Variants in LUZP2 observed in about 807,000 individuals in gnomAD.
The protein encoded by LUZP2 is leucine zipper protein 2.
Under a neutral mutation model 51.6 loss-of-function variants are expected in LUZP2, and 52 were observed. That is an observed-to-expected ratio of 1.01 (90% CI 0.81 to 1.27). LUZP2 has a LOEUF of 1.27. LUZP2 is among the 50% of genes most tolerant of loss of function. The pLI is 0.00. For missense variants in LUZP2, 436 were observed against 395.4 expected, an observed-to-expected ratio of 1.10 and a Z score of -0.87; for synonymous variants, 154 against 137.3, an observed-to-expected ratio of 1.12 and a Z score of -0.85.
chr11:24,827,876 C>T (rs550410877), intron 5 of LUZP2, among the ~76,000 whole-genome samples: 8 of 152,198 alleles, frequency 5.3e-5, no homozygotes, highest in African/African-American at 1.9e-4. Flanking sequence ...TCATAAGGCA[C>T]AACCAGAGAG....
intron 3 of LUZP2, among the ~76,000 whole-genome samples, chr11:24,735,846 A>T (rs1159946859): frequency 1.3e-5 from 2 of 151,970 alleles, no homozygotes; most frequent in East Asian, 3.9e-4. Flanking sequence ...AGATTGGGCA[A>T]ATCTCAGTTG....
intron 3 of LUZP2, among the ~76,000 whole-genome samples, chr11:24,734,313 A>AT (rs1006365393): frequency 2.0e-5 from 3 of 151,656 alleles, no homozygotes; most frequent in South Asian, 2.1e-4. Context: ...GTTTGTTGAT[A>AT]TTTTTTTAAA....
intron 9 of LUZP2, among the ~76,000 whole-genome samples, chr11:24,984,122 C>A (rs1856120031): frequency 6.6e-6 from 1 of 151,588 alleles, no homozygotes; most frequent in African/African-American, 2.4e-5. Flanking sequence ...CTTGTCTGAG[C>A]ATCACTTGTT....
intron 9 of LUZP2, among the ~76,000 whole-genome samples, chr11:25,030,997 A>ATATATATATAATATAATATATAT (rs1857662053): frequency 3.8e-4 from 1 of 2,602 alleles, no homozygotes; most frequent in Non-Finnish European, 6.0e-4. Context: ...AATATATATT[A>ATATATATATAATATAATATATAT]TATATATATA....
At chr11:24,618,047 G>A (rs73433073) in intron 1 of LUZP2, among the ~76,000 whole-genome samples, 2,853 of 152,068 alleles carry the variant, frequency 0.019, 97 homozygotes, top group African/African-American at 0.066. Flanking sequence ...GACCTCCACT[G>A]ACACCCTGTG....
chr11:24,826,190 A>AAAAAAAT (rs1215786412), intron 5 of LUZP2, among the ~76,000 whole-genome samples: 6 of 67,534 alleles, frequency 8.9e-5, no homozygotes, highest in African/African-American at 3.5e-4. Flanking sequence ...AAAAAAAAAA[A>AAAAAAAT]ATATATATAT....
At chr11:24,779,866 AG>A (rs1849037184) in intron 5 of LUZP2, among the ~76,000 whole-genome samples, 1 of 152,134 alleles carries the variant, frequency 6.6e-6, no homozygotes, top group African/African-American at 2.4e-5. Flanking sequence ...ATATGAAGAC[AG>A]GGTGAGAGAA....
chr11:24,755,649 A>G (rs577062509), intron 4 of LUZP2, among the ~76,000 whole-genome samples: 2 of 152,268 alleles, frequency 1.3e-5, no homozygotes, highest in South Asian at 4.1e-4. Flanking sequence ...TAGTTCAGGA[A>G]GGGGATGACA....
At chr11:24,725,949 G>A (rs1565100730) in intron 1 of LUZP2, among the ~76,000 whole-genome samples, 1 of 152,128 alleles carries the variant, frequency 6.6e-6, no homozygotes, top group African/African-American at 2.4e-5. Flanking sequence ...TTTGCAAGCT[G>A]ATGAGAGAGG....
intron 5 of LUZP2, among the ~76,000 whole-genome samples, chr11:24,771,637 T>G (rs1002890212): frequency 6.6e-5 from 10 of 152,042 alleles, no homozygotes; most frequent in African/African-American, 2.4e-4. Context: ...AATTTGGAGA[T>G]AAAAGCTTAA....
chr11:25,005,195 C>T (rs1856800494), intron 9 of LUZP2, among the ~76,000 whole-genome samples: 1 of 152,030 alleles, frequency 6.6e-6, no homozygotes, highest in Admixed American at 6.6e-5. Flanking sequence ...TCCTTGTTCC[C>T]TTCTGGGCTG....
At chr11:24,887,192 ATTTTGTTTTGTTTTG>A (rs3078895) in intron 5 of LUZP2, among the ~76,000 whole-genome samples, 3 of 151,314 alleles carry the variant, frequency 2.0e-5, no homozygotes, top group Non-Finnish European at 2.9e-5. Context: ...AGTTTTTTTG[ATTTTGTTTTGTTTTG>A]TTTTGTTTTG....
At chr11:24,929,151 A>G (rs894870589) in intron 7 of LUZP2, among the ~76,000 whole-genome samples, 1 of 151,878 alleles carries the variant, frequency 6.6e-6, no homozygotes, top group Non-Finnish European at 1.5e-5. Context: ...TGGTCTATCA[A>G]TTTTATTTAT....
chr11:24,865,707 TG>T (rs1318457697), intron 5 of LUZP2, among the ~76,000 whole-genome samples: 4 of 64,906 alleles, frequency 6.2e-5, no homozygotes, highest in African/African-American at 1.6e-4. Flanking sequence ...GTTATATGTT[TG>T]TGTATATATA....
intron 1 of LUZP2, among the ~76,000 whole-genome samples, chr11:24,541,969 A>G (rs913058307): frequency 1.3e-5 from 2 of 152,090 alleles, no homozygotes; most frequent in African/African-American, 2.4e-5. Flanking sequence ...TTATAATCAC[A>G]TATTTCTGAG....
chr11:24,612,647 G>A (rs982962919), intron 1 of LUZP2, among the ~76,000 whole-genome samples: 2 of 152,032 alleles, frequency 1.3e-5, no homozygotes, highest in Non-Finnish European at 2.9e-5. Flanking sequence ...TAGATGATTA[G>A]CAGAATATAA....
At chr11:24,985,619 A>G (rs1403478153) in intron 9 of LUZP2, among the ~76,000 whole-genome samples, 3 of 151,720 alleles carry the variant, frequency 2.0e-5, no homozygotes, top group Admixed American at 6.6e-5. Flanking sequence ...GTCATGACCT[A>G]GTGACTAAAT....
At chr11:25,039,930 C>G (rs1167036630) in intron 9 of LUZP2, among the ~76,000 whole-genome samples, 2 of 152,088 alleles carry the variant, frequency 1.3e-5, no homozygotes, top group East Asian at 3.9e-4. Context: ...ACTACAGACA[C>G]TTTCTCTGAT....
chr11:24,525,010 C>G (rs1357570677), intron 1 of LUZP2, among the ~76,000 whole-genome samples: 1 of 151,532 alleles, frequency 6.6e-6, no homozygotes, highest in African/African-American at 2.4e-5. Context: ...AGAAAGTGAA[C>G]AAACATATTT....
Sources: allele counts gnomAD v4.1 joint callset (sites outside exome capture counted in the v4.1 genomes callset), GRCh38; gene constraint gnomAD v4.1.1; transcripts MANE v1.5; gene names NCBI Gene and HGNC (gene_info 2026-07-23, HGNC 2026-07-21).